The following VPS13C variants were observed in gnomAD, a reference collection of about 807,000 sequenced individuals.
VPS13C encodes vacuolar protein sorting 13 homolog C.
In VPS13C, 358 loss-of-function variants were observed where a neutral mutation model predicts 456.8. The ratio of observed to expected loss-of-function variants is 0.78; its 90% CI spans 0.72 to 0.86. The LOEUF (loss-of-function observed/expected upper bound fraction) is 0.86, where lower values mean the gene tolerates loss of function less well. Among genes scored for constraint, VPS13C ranks in the 40% least tolerant of loss-of-function variants. The pLI, the probability that VPS13C is intolerant of heterozygous loss-of-function variation, is 0.00. For missense variants in VPS13C, 4,818 were observed against 4,385.4 expected, an observed-to-expected ratio of 1.10 and a Z score of -2.79; for synonymous variants, 1,578 against 1,486.7, an observed-to-expected ratio of 1.06 and a Z score of -1.41.
chr15:61,951,442 A>G (rs1307805241), intron 39 of VPS13C, among the ~76,000 whole-genome samples: 2 of 152,156 alleles, frequency 1.3e-5, no homozygotes, highest in Non-Finnish European at 1.5e-5. Flanking sequence ...TAAAAGGTCA[A>G]GGATACCCAC....
intron 40 of VPS13C, 61 bp from the exon 41 acceptor site, chr15:61,950,478 A>G: frequency 8.0e-7 from 1 of 1,255,042 alleles, no homozygotes; most frequent in Non-Finnish European, 1.2e-6. Flanking sequence ...TACACTGAAA[A>G]TATACATATT....
At chr15:61,993,458 C>A (rs976874464) in intron 16 of VPS13C, among the ~76,000 whole-genome samples, 12 of 151,904 alleles carry the variant, frequency 7.9e-5, no homozygotes, top group African/African-American at 2.9e-4. Context: ...GATAGTATGG[C>A]GACAAACCCC....
In VPS13C at chr15:61,941,877, T is replaced by A; in HGVS notation, c.5339A>T (p.Asp1780Val). 1 of 1,614,046 alleles carries A rather than the reference T, an allele frequency of 6.2e-7. No homozygotes were observed. The highest frequency in any genetic ancestry group is 2.2e-5 in the East Asian group (1 of 44,858). The change falls in exon 46 of 85, where the codon GAT becomes GTT. Residue 1780 changes from aspartate (D) to valine (V), a missense_variant. Physicochemically the swap from Asp to Val is radical, Grantham distance 152 (BLOSUM62 -3). Around this residue, in one of 3 missense-constraint regions of VPS13C, gnomAD observed 4,552 missense variants for 4,130.6 expected, o/e 1.10. Transcript: ENST00000644861. ...GTTTTCAACTCTGATTAAACCCAGA[T>A]CTGCTATAACAGCATTAGGTGATAC... is the stretch of plus-strand genomic sequence containing the variant. ...SSVSPNAVIADLGLIRVENKF... is the reference protein window; with the variant it reads ...SSVSPNAVIAVLGLIRVENKF...
At chr15:61,893,072 G>C (rs887721728) in intron 66 of VPS13C, among the ~76,000 whole-genome samples, 53 of 152,098 alleles carry the variant, frequency 3.5e-4, no homozygotes, top group African/African-American at 1.2e-3. Flanking sequence ...GTTAATTAAA[G>C]AATTAACAAG....
intron 69 of VPS13C, among the ~76,000 whole-genome samples, chr15:61,882,297 T>C (rs72747867): frequency 0.038 from 5,839 of 152,224 alleles, 161 homozygotes; most frequent in Non-Finnish European, 0.058. Context: ...CTGTCCTGAA[T>C]GACGACAAAG....
intron 82 of VPS13C, among the ~76,000 whole-genome samples, chr15:61,860,848 G>C (rs1566952131): frequency 6.6e-6 from 1 of 150,530 alleles, no homozygotes. Flanking sequence ...ATGTTTTTAA[G>C]AATGAAAGGA....
At position 61,937,717 on chromosome 15, in the gene VPS13C, A is replaced by G. The variant is rs574415986; in HGVS notation, c.5602-967T>C. ...TCTCGATCTCCTGACCTCGTGATCC[A>G]ACCGCCTCGGCCTCCCAAAGTGCTG... On this transcript the variant is annotated intron_variant, in intron 47 of 84. Transcript: ENST00000644861. 5.9e-5 allele frequency among the ~76,000 whole-genome samples: 9 copies of G among 152,268 alleles called. 1 individual carries two copies. The East Asian group carries it at 9.7e-4, about 16-fold the overall frequency.
In VPS13C at chr15:62,004,948, G is replaced by A. The variant is rs1188846630; in HGVS notation, c.1290+2360C>T. Among the ~76,000 whole-genome samples the A allele has an allele frequency of 4.6e-5, 7 of 152,166 alleles. No homozygotes were observed. The East Asian group carries it at 1.4e-3, about 29-fold the overall frequency. ...GGAGAGCTTTACTTCCAAGTATATGGTCAATTTTGGAATAGGTGTGGTGTG... is the reference window on the plus strand; with the variant it reads ...GGAGAGCTTTACTTCCAAGTATATGATCAATTTTGGAATAGGTGTGGTGTG... On this transcript the variant is annotated intron_variant, in intron 15 of 84. Transcript: ENST00000644861.
Position 61,946,398 on chromosome 15 carries a change from G to A in VPS13C, c.4889C>T (p.Ser1630Phe). ...AGTCTGCTTAGGCTTCACAGAAATA[G>A]AGGCATCCATTCCTATAGGAAACAT... ...ADIKIHGMDA[S>F]ISVKPKQTDV... The change falls in exon 44 of 85, where the codon TCT becomes TTT. Residue 1630 changes from serine to phenylalanine, a missense_variant. Around this residue, in one of 3 missense-constraint regions of VPS13C, gnomAD observed 4,552 missense variants for 4,130.6 expected, o/e 1.10. Transcript: ENST00000644861. 6.2e-7 allele frequency: 1 copy of A among 1,603,864 alleles called. No homozygotes were observed. Among genetic ancestry groups the A allele is most frequent in the South Asian group, 1.1e-5 (1 of 89,080 alleles).
chr15:62,031,035 T>C (rs187062128), intron 5 of VPS13C, among the ~76,000 whole-genome samples: 63 of 152,212 alleles, frequency 4.1e-4, no homozygotes, highest in African/African-American at 1.3e-3. Flanking sequence ...ATGATAGCCT[T>C]CCAGAAAAAT....
At position 61,945,784 on chromosome 15, in the gene VPS13C, G is replaced by A. The variant is rs138165411; in HGVS notation, c.5079C>T (p.Asp1693=). 122 of 1,612,178 alleles carry A rather than the reference G, an allele frequency of 7.6e-5. No individual in the cohort carries two copies. In the African/African-American group the frequency reaches 8.4e-4, roughly 11 times the overall value. Residue 1693 remains aspartate, a synonymous_variant, in exon 45 of 85, where the codon GAC becomes GAT. Coordinates refer to ENST00000644861, the MANE Select transcript of VPS13C (RefSeq NM_020821.3). ...AACCCACTTTAAAACTAAGTTTGCC[G>A]TCTACTTTGGACATATCAGCATAGG... ...GEAYADMSKV[D]GKLSFKVGCI...
Position 61,853,008 on chromosome 15 carries a change from T to TA in VPS13C, c.*1448dup. The TA allele has an allele frequency of 6.6e-6, 1 of 152,276 alleles. No individual in the cohort carries two copies. The highest frequency in any genetic ancestry group is 1.5e-5 in the Non-Finnish European group (1 of 67,996). The allele number at this position is 152,276 out of a possible 1,614,324, so 9.4% of individuals were successfully genotyped here. ...TGATTTGAAATAAATGTTGTTATGT[T>TA]AAACATTATGAGCAAATCTAAAGGT... On this transcript the variant is annotated 3_prime_UTR_variant, in exon 85 of 85. Coordinates refer to ENST00000644861, the MANE Select transcript of VPS13C (RefSeq NM_020821.3).
Position 61,961,819 on chromosome 15 carries a change from G to T in VPS13C, c.3678C>A (p.Ala1226=), listed in dbSNP as rs373068403. The stretch of plus-strand genomic sequence containing the variant: ...TCTGGGCAAGATCTTTCACACTTGT[G>T]GCAGCCCTTTCTGCAGCCTGGGCAG... ...AATAQAAERA[A]TSVKDLAQRS... is the part of the protein sequence containing the mutation. Residue 1226 remains alanine, a synonymous_variant, in exon 35 of 85, where the codon GCC becomes GCA. Transcript: ENST00000644861. 1.1e-5 allele frequency: 18 copies of T among 1,613,908 alleles called. No individual in the cohort carries two copies. Among genetic ancestry groups the T allele is most frequent in the Non-Finnish European group, 1.4e-5 (16 of 1,179,966 alleles).
chr15:61,991,176 T>A, intron 17 of VPS13C, 82 bp from the exon 18 acceptor site: 1 of 1,079,890 alleles, frequency 9.3e-7, no homozygotes, highest in Non-Finnish European at 1.3e-6. Flanking sequence ...CTAACAAGTA[T>A]CCTAAAATCA....
intron 82 of VPS13C, among the ~76,000 whole-genome samples, chr15:61,859,064 G>A (rs1418076084): frequency 6.6e-6 from 1 of 152,024 alleles, no homozygotes; most frequent in Non-Finnish European, 1.5e-5. Context: ...AGCTACAAGT[G>A]ATATCAAATA....
intron 37 of VPS13C, among the ~76,000 whole-genome samples, chr15:61,955,411 A>G (rs2044954167): frequency 6.6e-6 from 1 of 152,154 alleles, no homozygotes; most frequent in East Asian, 1.9e-4. Context: ...CCTCAATATC[A>G]TTAAGTTAGT....
chr15:61,909,237 T>C (rs1468742985), intron 64 of VPS13C, 112 bp from the exon 65 acceptor site: 2 of 1,356,790 alleles, frequency 1.5e-6, no homozygotes, highest in Non-Finnish European at 2.0e-6. Flanking sequence ...CGAGACAGAG[T>C]CTTGCTGTCA....
chr15:61,950,334 T>C (rs1359229073), intron 41 of VPS13C, 24 bp downstream of exon 41: 7 of 1,579,976 alleles, frequency 4.4e-6, no homozygotes, highest in African/African-American at 1.3e-5. Flanking sequence ...AACCCAACCT[T>C]ATAGCAAATT....
At chr15:62,019,472 G>A (rs951680707) in intron 9 of VPS13C, among the ~76,000 whole-genome samples, 10 of 152,012 alleles carry the variant, frequency 6.6e-5, no homozygotes, top group African/African-American at 2.4e-4. Flanking sequence ...GTGTCCCAGA[G>A]ATTCTGGTAT....
Sources: gnomAD v4.1 joint callset for allele counts (sites outside exome capture counted in the v4.1 genomes callset) on GRCh38, gnomAD v4.1.1 for gene constraint, gnomAD v4.1.1 regional missense constraint, MANE v1.5 for transcripts, NCBI Gene and HGNC (gene_info 2026-07-23, HGNC 2026-07-21) for gene names.